The following GRAMD1B variants were observed in gnomAD, a reference collection of about 807,000 sequenced individuals.
GRAMD1B encodes GRAM domain containing 1B.
In GRAMD1B, 37 loss-of-function variants were observed where a neutral mutation model predicts 99.7. The observed-to-expected ratio is 0.37, with a 90% CI of 0.29 to 0.49. GRAMD1B has a LOEUF of 0.49. GRAMD1B is among the 20% of genes least tolerant of loss of function. The pLI, the probability that GRAMD1B is intolerant of heterozygous loss-of-function variation, is 0.98. For synonymous variants in GRAMD1B, 427 were observed against 387.6 expected (o/e 1.10, Z -1.19); for missense variants, 888 against 1,009.2 (o/e 0.88, Z 1.63).
chr11:123,518,170 C>T (rs557090669), intron 2 of GRAMD1B, among the ~76,000 whole-genome samples: 3 of 152,260 alleles, frequency 2.0e-5, no homozygotes, highest in South Asian at 2.1e-4. Flanking sequence ...GCTCTTACCT[C>T]CTTGGGGCCA....
intron 2 of GRAMD1B, among the ~76,000 whole-genome samples, chr11:123,541,534 A>T (rs1944525752): frequency 6.9e-6 from 1 of 145,510 alleles, no homozygotes; most frequent in Non-Finnish European, 1.5e-5. Context: ...TCTTCTGTGA[A>T]TTGATTTTTT....
intron 1 of GRAMD1B, among the ~76,000 whole-genome samples, chr11:123,392,078 G>T (rs949190138): frequency 6.6e-6 from 1 of 152,130 alleles, no homozygotes; most frequent in Non-Finnish European, 1.5e-5. Context: ...CATGGATCCT[G>T]GGGGAAGAGC....
chr11:123,493,262 T>G (rs1383688902), intron 2 of GRAMD1B, among the ~76,000 whole-genome samples: 1 of 152,196 alleles, frequency 6.6e-6, no homozygotes, highest in Non-Finnish European at 1.5e-5. Context: ...ATAATTGTAC[T>G]TACTTTATGG....
chr11:123,461,967 CTT>C (rs756413526), intron 1 of GRAMD1B, among the ~76,000 whole-genome samples: 25 of 122,262 alleles, frequency 2.0e-4, no homozygotes, highest in Admixed American at 2.6e-4. Flanking sequence ...TTGTTTATTT[CTT>C]TTTTTTTTTT....
intron 1 of GRAMD1B, among the ~76,000 whole-genome samples, chr11:123,400,714 C>T (rs1379712469): frequency 6.6e-6 from 1 of 152,102 alleles, no homozygotes; most frequent in Admixed American, 6.5e-5. Flanking sequence ...CCAAAGGACT[C>T]ACCTCCTAAT....
intron 11 of GRAMD1B, 96 bp from the exon 12 acceptor site, chr11:123,608,563 T>C (rs1953063081): frequency 1.3e-6 from 2 of 1,548,790 alleles, no homozygotes; most frequent in African/African-American, 2.7e-5. Context: ...ACTGTGCTCA[T>C]ATTAGCCAGA....
chr11:123,481,212 TG>T (rs1951582884), intron 2 of GRAMD1B, among the ~76,000 whole-genome samples: 1 of 152,096 alleles, frequency 6.6e-6, no homozygotes, highest in East Asian at 1.9e-4. Context: ...CTCATTACTT[TG>T]GGAGGTCGAG....
At chr11:123,548,291 A>AATATATATATAT (rs139996126) in intron 2 of GRAMD1B, among the ~76,000 whole-genome samples, 91 of 75,136 alleles carry the variant, frequency 1.2e-3, no homozygotes, top group Middle Eastern at 8.6e-3. Flanking sequence ...GCTGTGCCAA[A>AATATATATATAT]ATATATATAT....
At chr11:123,439,112 C>T (rs1235686644) in intron 1 of GRAMD1B, among the ~76,000 whole-genome samples, 2 of 152,184 alleles carry the variant, frequency 1.3e-5, no homozygotes, top group Non-Finnish European at 2.9e-5. Context: ...AGGGACATAG[C>T]TTCTTATTGT....
intron 1 of GRAMD1B, among the ~76,000 whole-genome samples, chr11:123,375,976 G>C (rs1484981067): frequency 1.3e-5 from 2 of 151,978 alleles, no homozygotes; most frequent in African/African-American, 4.8e-5. Context: ...TGGCTGGCCT[G>C]CCTCATGCAA....
intron 18 of GRAMD1B, 24 bp from the exon 19 acceptor site, chr11:123,619,083 G>C (rs1401015821): frequency 7.7e-7 from 1 of 1,303,814 alleles, no homozygotes; most frequent in Non-Finnish European, 1.1e-6. Context: ...CAGCTGCTGG[G>C]GTACCCCTTC....
intron 1 of GRAMD1B, among the ~76,000 whole-genome samples, chr11:123,410,498 C>T (rs927808012): frequency 6.6e-6 from 1 of 152,022 alleles, no homozygotes; most frequent in South Asian, 2.1e-4. Context: ...TCGGTGACTC[C>T]GATACTGCCA....
intron 1 of GRAMD1B, among the ~76,000 whole-genome samples, chr11:123,362,166 G>A (rs992008319): frequency 2.0e-5 from 3 of 152,230 alleles, no homozygotes; most frequent in African/African-American, 7.2e-5. Flanking sequence ...CAGTAGGGGA[G>A]AGGAATATCT....
intron 2 of GRAMD1B, among the ~76,000 whole-genome samples, chr11:123,514,234 G>C (rs80041694): frequency 1.3e-5 from 2 of 152,136 alleles, no homozygotes; most frequent in East Asian, 3.9e-4. Context: ...TTGTAAAGAA[G>C]GTTACATTTG....
rs1357960442 is a variant in GRAMD1B, at chr11:123,598,584, C to T, written c.970-1884C>T. On this transcript the variant is annotated intron_variant, in intron 7 of 19. Transcript: ENST00000635736. ...GGTATCAAGTGACTCTAGGGACTTT[C>T]CTTTGGTGCTGAATAGTCTCTGGGC... is the stretch of plus-strand genomic sequence containing the variant. 4 of 1,548,932 alleles carry T rather than the reference C, an allele frequency of 2.6e-6. No homozygotes were observed. In the African/African-American group the frequency reaches 4.1e-5, roughly 16 times the overall value.
intron 1 of GRAMD1B, among the ~76,000 whole-genome samples, chr11:123,405,431 TAA>T (rs1196241794): frequency 6.6e-6 from 1 of 152,102 alleles, no homozygotes; most frequent in Non-Finnish European, 1.5e-5. Flanking sequence ...CAGCGGGAGA[TAA>T]AGACTTGCTA....
intron 1 of GRAMD1B, among the ~76,000 whole-genome samples, chr11:123,472,874 C>G (rs1951083851): frequency 6.6e-6 from 1 of 152,194 alleles, no homozygotes; most frequent in African/African-American, 2.4e-5. Flanking sequence ...ATGCCTAGTC[C>G]CAGGTAGCCT....
intron 1 of GRAMD1B, among the ~76,000 whole-genome samples, chr11:123,388,211 A>T (rs1310871336): frequency 6.6e-6 from 1 of 152,026 alleles, no homozygotes; most frequent in Admixed American, 6.6e-5. Context: ...AAAACTGGCA[A>T]ACACTACCTT....
intron 1 of GRAMD1B, among the ~76,000 whole-genome samples, chr11:123,403,010 T>C (rs762609074): frequency 2.0e-5 from 3 of 151,694 alleles, no homozygotes; most frequent in Non-Finnish European, 4.4e-5. Flanking sequence ...AAAACATAGA[T>C]ACGGGAAAGA....
Sources: allele counts gnomAD v4.1 joint callset (sites outside exome capture counted in the v4.1 genomes callset), GRCh38; gene constraint gnomAD v4.1.1; transcripts MANE v1.5; gene names NCBI Gene and HGNC (gene_info 2026-07-23, HGNC 2026-07-21).